ZNF366: variants seen among roughly 807,000 people sequenced by gnomAD.
ZNF366 encodes the protein zinc finger protein 366.
Under a neutral mutation model 47.2 loss-of-function variants are expected in ZNF366, and 20 were observed. The observed-to-expected ratio is 0.42, with a 90% CI of 0.30 to 0.62. ZNF366 has a LOEUF of 0.62. Ranked by LOEUF, ZNF366 falls within the 20% of genes least tolerant of loss-of-function variation. ZNF366 has a pLI of 0.16. For synonymous variants in ZNF366, 421 were observed against 395.1 expected (o/e 1.07, Z -0.78); for missense variants, 987 against 976.3 (o/e 1.01, Z -0.15).
intron 1 of ZNF366, among the ~76,000 whole-genome samples, chr5:72,500,649 A>T (rs921225906): frequency 5.9e-5 from 9 of 152,200 alleles, no homozygotes; most frequent in African/African-American, 2.2e-4. Flanking sequence ...GTTGTCTTGG[A>T]CAAGGTCAAA....
chr5:72,480,960 C>T (rs1040719505), intron 1 of ZNF366, among the ~76,000 whole-genome samples: 15 of 152,070 alleles, frequency 9.9e-5, no homozygotes, highest in Admixed American at 2.6e-4. Flanking sequence ...AGAAGTGAGC[C>T]CTGGGCCAAT....
At chr5:72,448,926 T>G (rs1743009224) in intron 3 of ZNF366, among the ~76,000 whole-genome samples, 1 of 152,172 alleles carries the variant, frequency 6.6e-6, no homozygotes, top group African/African-American at 2.4e-5. Context: ...TGTAAGTACT[T>G]TCCTCACTTT....
At position 72,442,166 on chromosome 5, in the gene ZNF366, T is replaced by C. The variant is rs1742866248; in HGVS notation, c.*1590A>G. 6.6e-6 allele frequency: 1 copy of C among 152,158 alleles called. No homozygotes were observed. The highest frequency in any genetic ancestry group is 6.5e-5 in the Admixed American group (1 of 15,272). The allele number at this position is 152,158 out of a possible 1,614,324, so 9.4% of individuals were successfully genotyped here. On this transcript the variant is annotated 3_prime_UTR_variant, in exon 5 of 5. Coordinates refer to ENST00000318442, the MANE Select transcript of ZNF366 (RefSeq NM_152625.3). ...CGCTCATAAGGCTCTTACAGACAGG[T>C]AAGAAAGCCTAAGTCAGCAGTATGA... is the stretch of plus-strand genomic sequence containing the variant.
chr5:72,502,707 T>C (rs557999477), intron 1 of ZNF366, among the ~76,000 whole-genome samples: 45 of 152,318 alleles, frequency 3.0e-4, no homozygotes, highest in African/African-American at 1.1e-3. Flanking sequence ...AACAAAACCT[T>C]ATGAGATAGA....
At chr5:72,475,247 C>G (rs1249478182) in intron 1 of ZNF366, among the ~76,000 whole-genome samples, 1 of 152,164 alleles carries the variant, frequency 6.6e-6, no homozygotes, top group Non-Finnish European at 1.5e-5. Context: ...AGAAAGCTGC[C>G]TTCACAGACT....
chr5:72,483,044 T>A (rs1417597225), intron 1 of ZNF366, among the ~76,000 whole-genome samples: 1 of 152,180 alleles, frequency 6.6e-6, no homozygotes, highest in African/African-American at 2.4e-5. Flanking sequence ...GATGCTGTTT[T>A]AAAGAAATTA....
At chr5:72,467,187 T>C (rs532950172) in intron 1 of ZNF366, among the ~76,000 whole-genome samples, 29 of 152,386 alleles carry the variant, frequency 1.9e-4, no homozygotes, top group African/African-American at 7.0e-4. Flanking sequence ...CTAAGGTCCC[T>C]GGCTTTCTAC....
rs775509927 is a variant in ZNF366 at position 72,460,607 on chromosome 5, T to C, written c.890A>G (p.His297Arg). 6.2e-7 allele frequency: 1 copy of C among 1,614,142 alleles called. No homozygotes were observed. Reference sequence around the variant, plus strand: ...GCCCTGGTGGGTCAGCATGTGGGTATGCAGGTGGCTGAGCTGCTTGAAGAG... The same window carrying C: ...GCCCTGGTGGGTCAGCATGTGGGTACGCAGGTGGCTGAGCTGCTTGAAGAG... Reference protein sequence around the residue: ...GKLFKQLSHLHTHMLTHQGTR... With the variant: ...GKLFKQLSHLRTHMLTHQGTR... The change falls in exon 2 of 5, where the codon CAT (histidine) becomes CGT (arginine). Residue 297 changes from histidine to arginine, a missense_variant. Transcript: ENST00000318442.
At chr5:72,446,217 T>C (rs1742953893) in intron 4 of ZNF366, among the ~76,000 whole-genome samples, 1 of 152,256 alleles carries the variant, frequency 6.6e-6, no homozygotes, top group African/African-American at 2.4e-5. Flanking sequence ...CTCTAGGCCT[T>C]GGTCTCCTCT....
rs185409980 is a variant in ZNF366 at position 72,444,861 on chromosome 5, A to G, written c.1700-570T>C. On this transcript the variant is annotated intron_variant, in intron 4 of 4. Coordinates refer to ENST00000318442, the MANE Select transcript of ZNF366 (RefSeq NM_152625.3). ...GCCATTTCTATTAAAAAATATTTGGAAGGAGGGATGTCAAAATCTTAAATT... is the reference window on the plus strand; with the variant it reads ...GCCATTTCTATTAAAAAATATTTGGGAGGAGGGATGTCAAAATCTTAAATT... 5.5e-3 allele frequency among the ~76,000 whole-genome samples: 832 copies of G among 152,296 alleles called. 7 individuals are homozygous for G. Among genetic ancestry groups the G allele is most frequent in the Middle Eastern group, 0.02 (6 of 294 alleles).
intron 1 of ZNF366, among the ~76,000 whole-genome samples, chr5:72,492,933 A>G (rs1744041346): frequency 6.6e-6 from 1 of 152,232 alleles, no homozygotes; most frequent in African/African-American, 2.4e-5. Flanking sequence ...ATGTTGTGAT[A>G]CATCTAGCAG....
intron 3 of ZNF366, among the ~76,000 whole-genome samples, chr5:72,449,399 A>C (rs1279689338): frequency 1.3e-5 from 2 of 152,024 alleles, no homozygotes; most frequent in Non-Finnish European, 2.9e-5. Context: ...GCGCCTGGCT[A>C]ATTTTTGTAT....
At position 72,460,832 on chromosome 5, in the gene ZNF366, C is replaced by A. The variant is rs376349055; in HGVS notation, c.665G>T (p.Ser222Ile). The change falls in exon 2 of 5, where the codon AGC becomes ATC. Residue 222 changes from serine to isoleucine, a missense_variant. Coordinates refer to ENST00000318442, the MANE Select transcript of ZNF366 (RefSeq NM_152625.3). ...LLPRKAEPQESEETKQKVERV... is the reference protein window; with the variant it reads ...LLPRKAEPQEIEETKQKVERV... ...CTCCACCTTCTGCTTGGTCTCCTCG[C>A]TCTCCTGGGGCTCGGCTTTCCGGGG... is the stretch of plus-strand genomic sequence containing the variant. 1.2e-6 allele frequency: 2 copies of A among 1,614,120 alleles called. No individual in the cohort carries two copies. Among genetic ancestry groups the A allele is most frequent in the African/African-American group, 2.7e-5 (2 of 75,056 alleles).
At chr5:72,463,146 AG>A (rs1743361762) in intron 1 of ZNF366, among the ~76,000 whole-genome samples, 1 of 152,202 alleles carries the variant, frequency 6.6e-6, no homozygotes, top group East Asian at 1.9e-4. Context: ...GAGGGCCAAC[AG>A]TTTTCAGTGA....
At chr5:72,493,860 T>A (rs1179615256) in intron 1 of ZNF366, among the ~76,000 whole-genome samples, 1 of 150,140 alleles carries the variant, frequency 6.7e-6, no homozygotes, top group Non-Finnish European at 1.5e-5. Context: ...GTTCAAACAA[T>A]TCCTCTGCCT....
At chr5:72,487,124 A>G (rs1044364594) in intron 1 of ZNF366, among the ~76,000 whole-genome samples, 2 of 152,230 alleles carry the variant, frequency 1.3e-5, no homozygotes, top group Admixed American at 6.5e-5. Flanking sequence ...TCTGTCATGA[A>G]GCTTTGACAA....
At chr5:72,456,272 C>T in intron 3 of ZNF366, 132 bp downstream of exon 3, 6 of 914,626 alleles carry the variant, frequency 6.6e-6, no homozygotes, top group Non-Finnish European at 9.8e-6. Context: ...CAGATGGGAC[C>T]TGGGGTTGGC....
At chr5:72,475,124 A>G (rs1394627928) in intron 1 of ZNF366, among the ~76,000 whole-genome samples, 1 of 152,144 alleles carries the variant, frequency 6.6e-6, no homozygotes, top group East Asian at 1.9e-4. Flanking sequence ...GAGTCTTGAG[A>G]AGAAAGGCCA....
Position 72,507,243 on chromosome 5 carries a change from T to A in ZNF366, c.-15+8A>T. Reference sequence around the variant, plus strand: ...AAGGAAGCAGAAATGATTGCATGGGTAACTTACCAGCTCCTGAGGTCTGAA... The same window carrying A: ...AAGGAAGCAGAAATGATTGCATGGGAAACTTACCAGCTCCTGAGGTCTGAA... On this transcript the variant is annotated splice_region_variant and intron_variant, in intron 1 of 4. Transcript: ENST00000318442. 2 of 985,500 alleles carry A rather than the reference T, an allele frequency of 2.0e-6. No individual in the cohort carries two copies. The highest frequency in any genetic ancestry group is 4.7e-5 in the South Asian group (1 of 21,278). 61.0% of individuals were successfully genotyped at this position (985,500 alleles called of 1,614,324 possible). A position where few individuals can be genotyped will look rare whatever the true frequency, so the allele number is the denominator to read the frequency against.
Sources: allele counts gnomAD v4.1 joint callset (sites outside exome capture counted in the v4.1 genomes callset), GRCh38; gene constraint gnomAD v4.1.1; transcripts MANE v1.5; gene names NCBI Gene and HGNC (gene_info 2026-07-23, HGNC 2026-07-21).